The following TNRC18 variants were observed in gnomAD, a reference collection of about 807,000 sequenced individuals.
TNRC18 encodes trinucleotide repeat containing 18, also known as trinucleotide repeat-containing gene 18 protein.
A neutral mutation model predicts 226.7 loss-of-function variants in TNRC18; 69 were observed. That is an observed-to-expected ratio of 0.30 (90% CI 0.25 to 0.37). The LOEUF (loss-of-function observed/expected upper bound fraction) is 0.37, where lower values mean the gene tolerates loss of function less well. Among genes scored for constraint, TNRC18 ranks in the 10% least tolerant of loss-of-function variants. The probability of loss-of-function intolerance (pLI) is 1.00; values close to 1 mark genes in which losing one functional copy is unlikely to be tolerated. For synonymous variants in TNRC18, 2,449 were observed against 1,927.6 expected, an observed-to-expected ratio of 1.27 and a Z score of -7.09; for missense variants, 4,754 against 4,256.6, an observed-to-expected ratio of 1.12 and a Z score of -3.25.
At position 5,372,503 on chromosome 7, in the gene TNRC18, G is replaced by A. The variant is rs912561927; in HGVS notation, c.3230-1139C>T. On this transcript the variant is annotated intron_variant, in intron 10 of 29. Coordinates refer to ENST00000430969, the MANE Select transcript of TNRC18 (RefSeq NM_001080495.3). ...CTCCCAAAGTGCTGGGATTACAGGC[G>A]TGAGCCACTGTGCCTGACCTGGAAG... is the stretch of plus-strand genomic sequence containing the variant. Among the ~76,000 whole-genome samples, 90 of 151,466 alleles carry A rather than the reference G, an allele frequency of 5.9e-4. 1 individual carries two copies. The highest frequency in any genetic ancestry group is 2.0e-3 in the African/African-American group (81 of 41,332).
At chr7:5,353,484 GGGAGGT>G in intron 16 of TNRC18, among the ~76,000 whole-genome samples, 2 of 150,604 alleles carry the variant, frequency 1.3e-5, no homozygotes, top group Middle Eastern at 6.8e-3. Flanking sequence ...ACTTGAACCC[GGGAGGT>G]GGAGGTTGCA....
chr7:5,351,732 G>T, intron 17 of TNRC18, 87 bp downstream of exon 17: 1 of 1,422,122 alleles, frequency 7.0e-7, no homozygotes, highest in South Asian at 1.5e-5. Flanking sequence ...CATCTCTCCC[G>T]TGCGCCCACT....
rs542258236 is a variant in TNRC18, at chr7:5,377,870, C to T, written c.2255+52G>A. ...GGGGTCATCCAGCTGCCCCTCACCCCCAGGGGCTCCTAGATACCCCCTAGA... is the reference window on the plus strand; with the variant it reads ...GGGGTCATCCAGCTGCCCCTCACCCTCAGGGGCTCCTAGATACCCCCTAGA... On this transcript the variant is annotated intron_variant, in intron 6 of 29. Transcript: ENST00000430969. The surrounding 1 kb of genome is among the most constrained non-coding windows in gnomAD (Gnocchi z 5.8). 3.8e-6 allele frequency: 6 copies of T among 1,568,004 alleles called. No homozygotes were observed. The Admixed American group carries it at 1.0e-4, about 26-fold the overall frequency.
chr7:5,421,208 G>C lies in TNRC18; in HGVS notation c.39C>G (p.His13Gln), dbSNP rs374758619. Residue 13 changes from histidine (H) to glutamine (Q), a missense_variant, in exon 2 of 30, where the codon CAC becomes CAG. Coordinates refer to ENST00000430969, the MANE Select transcript of TNRC18 (RefSeq NM_001080495.3). ...GRDFGPQRSV[H>Q]GPPPPLLSGL... ...CGGACAGCAGCGGCGGCGGGGGACCGTGCACGGACCGCTGGGGCCCGAAGT... is the reference window on the plus strand; with the variant it reads ...CGGACAGCAGCGGCGGCGGGGGACCCTGCACGGACCGCTGGGGCCCGAAGT... 2 of 1,340,222 alleles carry C rather than the reference G, an allele frequency of 1.5e-6. No individual in the cohort carries two copies. The highest frequency in any genetic ancestry group is 6.1e-5 in the East Asian group (2 of 33,040). The allele number at this position is 1,340,222 out of a possible 1,614,324, so 83.0% of individuals were successfully genotyped here.
chr7:5,345,962 C>T (rs889411059), intron 17 of TNRC18, among the ~76,000 whole-genome samples, 152 bp from the exon 18 acceptor site: 7 of 152,200 alleles, frequency 4.6e-5, no homozygotes, highest in African/African-American at 1.7e-4. Flanking sequence ...ACCCAGCCCA[C>T]GGGTTCCCCC....
chr7:5,367,767 A>C (rs2128168977), intron 11 of TNRC18, among the ~76,000 whole-genome samples: 1 of 152,224 alleles, frequency 6.6e-6, no homozygotes, highest in South Asian at 2.1e-4. Context: ...CAAAAAAAAA[A>C]AAAAGTTTCT....
At chr7:5,393,869 C>G (rs948683072) in intron 3 of TNRC18, among the ~76,000 whole-genome samples, 2 of 152,114 alleles carry the variant, frequency 1.3e-5, no homozygotes, top group South Asian at 2.1e-4. Flanking sequence ...CAGGTCCCCC[C>G]GCTCTGGGAA....
chr7:5,371,451 GA>G, intron 10 of TNRC18, 87 bp from the exon 11 acceptor site: 1 of 1,410,258 alleles, frequency 7.1e-7, no homozygotes, highest in Non-Finnish European at 9.3e-7. Flanking sequence ...CCCAGACAGA[GA>G]CCCAGGACGC....
intron 2 of TNRC18, among the ~76,000 whole-genome samples, chr7:5,396,873 C>T (rs1315658841): frequency 1.1e-4 from 17 of 152,198 alleles, no homozygotes; most frequent in Admixed American, 1.1e-3. Context: ...CCTCCCTTCT[C>T]CCCAATAAAG....
intron 17 of TNRC18, among the ~76,000 whole-genome samples, chr7:5,351,307 G>T (rs1359278477): frequency 6.6e-6 from 1 of 152,186 alleles, no homozygotes; most frequent in Non-Finnish European, 1.5e-5. Flanking sequence ...AAATGAACTC[G>T]ATATGTTTAA....
intron 11 of TNRC18, among the ~76,000 whole-genome samples, chr7:5,368,377 A>T (rs1378774405): frequency 1.3e-5 from 2 of 151,726 alleles, no homozygotes; most frequent in Non-Finnish European, 2.9e-5. Flanking sequence ...ATTTTAAGTA[A>T]AGTGTCCGGG....
rs543442561 is a variant in TNRC18, at chr7:5,403,346, G to A, written c.188-8751C>T. On this transcript the variant is annotated intron_variant, in intron 2 of 29. Coordinates refer to ENST00000430969, the MANE Select transcript of TNRC18 (RefSeq NM_001080495.3). ...CAGCTAAATTTGTATTTTTAGTAGA[G>A]ACGGGGTTTCTCCATGTTGGTCAGG... 1.6e-4 allele frequency among the ~76,000 whole-genome samples: 25 copies of A among 152,252 alleles called. No homozygotes were observed. In the East Asian group the frequency reaches 3.3e-3, roughly 20 times the overall value.
Position 5,421,234 on chromosome 7 carries a change from C to A in TNRC18, c.13G>T (p.Asp5Tyr). 1 of 1,303,562 alleles carries A rather than the reference C, an allele frequency of 7.7e-7. No homozygotes were observed. Among genetic ancestry groups the A allele is most frequent in the Non-Finnish European group, 9.8e-7 (1 of 1,022,676 alleles). The allele number at this position is 1,303,562 out of a possible 1,614,324, so 80.7% of individuals were successfully genotyped here. ...TGCACGGACCGCTGGGGCCCGAAGTCTCGGCCATCCATCCTCCGCGGGAGT... is the reference window on the plus strand; with the variant it reads ...TGCACGGACCGCTGGGGCCCGAAGTATCGGCCATCCATCCTCCGCGGGAGT... MDGR[D>Y]FGPQRSVHGP... The change falls in exon 2 of 30, where the codon GAC becomes TAC. Residue 5 changes from aspartate to tyrosine, a missense_variant. Transcript: ENST00000430969.
chr7:5,332,408 G>C (rs1476831897), intron 19 of TNRC18, among the ~76,000 whole-genome samples: 1 of 152,202 alleles, frequency 6.6e-6, no homozygotes, highest in African/African-American at 2.4e-5. Flanking sequence ...GCTCCAGCCT[G>C]GTGACAGAGC....
chr7:5,370,823 G>A lies in TNRC18; in HGVS notation c.3771C>T (p.Ala1257=). The A allele has an allele frequency of 6.2e-7, 1 of 1,609,074 alleles. No homozygotes were observed. The highest frequency in any genetic ancestry group is 8.5e-7 in the Non-Finnish European group (1 of 1,179,262). ...VQLTPETLVE[A]KEEPVEVPVA... ...CAGGCACCTCCACCGGCTCCTCCTT[G>A]GCCTCCACCAGTGTCTCGGGTGTCA... Residue 1257 remains alanine (A), a synonymous_variant, in exon 11 of 30, where the codon GCC becomes GCT. Coordinates refer to ENST00000430969, the MANE Select transcript of TNRC18 (RefSeq NM_001080495.3).
Position 5,359,035 on chromosome 7 carries a change from G to C in TNRC18, c.4833+363C>G, listed in dbSNP as rs548670415. ...CCCTTGTTTCTTAGAACTACAGAAT[G>C]GCAGAGCTGCTCATTAAACTATTAC... is the stretch of plus-strand genomic sequence containing the variant. On this transcript the variant is annotated intron_variant, in intron 15 of 29. Coordinates refer to ENST00000430969, the MANE Select transcript of TNRC18 (RefSeq NM_001080495.3). 5.1e-4 allele frequency among the ~76,000 whole-genome samples: 78 copies of C among 152,328 alleles called. 1 individual carries two copies. The highest frequency in any genetic ancestry group is 1.9e-3 in the African/African-American group (78 of 41,574).
chr7:5,396,098 G>C (rs551084004), intron 2 of TNRC18, among the ~76,000 whole-genome samples: 1 of 150,620 alleles, frequency 6.6e-6, no homozygotes, highest in Non-Finnish European at 1.5e-5. Flanking sequence ...TTGAAGCCCG[G>C]AGGCGGAGGT....
chr7:5,338,581 G>T (rs1201922935), intron 18 of TNRC18, among the ~76,000 whole-genome samples: 2 of 141,580 alleles, frequency 1.4e-5, no homozygotes, highest in African/African-American at 2.7e-5. Context: ...AGCTTAGATT[G>T]TGTCACTGCA....
At chr7:5,350,785 G>A (rs575567456) in intron 17 of TNRC18, among the ~76,000 whole-genome samples, 4 of 152,266 alleles carry the variant, frequency 2.6e-5, no homozygotes, top group South Asian at 2.1e-4. Context: ...CTTGAGAACC[G>A]AGGTGGCTGA....
Sources: gnomAD v4.1 joint callset for allele counts (sites outside exome capture counted in the v4.1 genomes callset) on GRCh38, gnomAD v4.1.1 for gene constraint, Gnocchi (gnomAD v3.1) non-coding constraint, MANE v1.5 for transcripts, NCBI Gene and HGNC (gene_info 2026-07-23, HGNC 2026-07-21) for gene names.